RASA2: variants seen among roughly 807,000 people sequenced by gnomAD.
The protein encoded by RASA2 is ras GTPase-activating protein 2.
A neutral mutation model predicts 118.2 loss-of-function variants in RASA2; 155 were observed. That is an observed-to-expected ratio of 1.31 (90% CI 1.15 to 1.50). The LOEUF is 1.50. Ranked by LOEUF, RASA2 falls within the 40% of genes most tolerant of loss-of-function variation. The pLI is 0.00. For missense variants in RASA2, 1,016 were observed against 1,009.6 expected (o/e 1.01, Z -0.09); for synonymous variants, 353 against 349.1 (o/e 1.01, Z -0.12).
chr3:141,593,173 C>G (rs571322012), intron 19 of RASA2, among the ~76,000 whole-genome samples: 62 of 152,138 alleles, frequency 4.1e-4, no homozygotes, highest in African/African-American at 1.4e-3. Flanking sequence ...TCAGCCTCCC[C>G]AGTAGCTGAG....
At chr3:141,574,121 T>C in intron 14 of RASA2, 54 bp downstream of exon 14, 1 of 1,205,468 alleles carries the variant, frequency 8.3e-7, no homozygotes, top group Non-Finnish European at 1.1e-6. Context: ...GACTTTTTTA[T>C]AGATATTAAT....
intron 23 of RASA2, among the ~76,000 whole-genome samples, chr3:141,610,478 A>AAT (rs201768514): frequency 0.058 from 5,754 of 99,568 alleles, 563 homozygotes; most frequent in East Asian, 0.19. Flanking sequence ...TATATATATA[A>AAT]ATATATATAT....
chr3:141,552,239 A>C (rs1483913114), intron 5 of RASA2, among the ~76,000 whole-genome samples: 3 of 152,110 alleles, frequency 2.0e-5, no homozygotes, highest in Non-Finnish European at 4.4e-5. Context: ...TAAAATAGAA[A>C]ATTGGATTTC....
intron 17 of RASA2, among the ~76,000 whole-genome samples, chr3:141,584,071 G>A (rs1043171999): frequency 1.3e-5 from 2 of 151,928 alleles, no homozygotes; most frequent in South Asian, 4.1e-4. Flanking sequence ...GGTGGCTTAC[G>A]CCTGTAATCC....
intron 19 of RASA2, among the ~76,000 whole-genome samples, chr3:141,599,487 A>G (rs2107791618): frequency 6.6e-6 from 1 of 152,244 alleles, no homozygotes; most frequent in Admixed American, 6.5e-5. Flanking sequence ...TCCCCTTTCT[A>G]GTGTATTAAA....
At chr3:141,570,810 G>A (rs2082905570) in intron 9 of RASA2, 102 bp from the exon 10 acceptor site, 4 of 1,118,956 alleles carry the variant, frequency 3.6e-6, no homozygotes, top group Non-Finnish European at 1.3e-6. Context: ...TAAATACTAA[G>A]TTGACTTTTT....
intron 17 of RASA2, among the ~76,000 whole-genome samples, chr3:141,582,058 T>G (rs928212475): frequency 6.6e-6 from 1 of 152,218 alleles, no homozygotes; most frequent in African/African-American, 2.4e-5. Context: ...AGTACTGTAT[T>G]TTATGTATCA....
Position 141,544,318 on chromosome 3 carries a change from T to G in RASA2, c.527+3709T>G, listed in dbSNP as rs112965352. Among the ~76,000 whole-genome samples the G allele has an allele frequency of 7.1e-3, 1,089 of 152,312 alleles. 15 individuals are homozygous for G. The highest frequency in any genetic ancestry group is 0.025 in the African/African-American group (1,043 of 41,560). On this transcript the variant is annotated intron_variant, in intron 5 of 23. Transcript: ENST00000286364. ...CCAGATTTGGGGAATTTTCAACCAT[T>G]ATTTCTTCTATTAATTCTTTATCAC...
chr3:141,610,713 A>G (rs1046595234), intron 23 of RASA2, among the ~76,000 whole-genome samples: 1 of 151,672 alleles, frequency 6.6e-6, no homozygotes, highest in Admixed American at 6.6e-5. Flanking sequence ...CTGGTTTTGA[A>G]TTCCTGACCT....
chr3:141,521,405 A>C (rs1374869406), intron 3 of RASA2, among the ~76,000 whole-genome samples: 2 of 152,200 alleles, frequency 1.3e-5, no homozygotes, highest in African/African-American at 2.4e-5. Context: ...GATAGAGGCT[A>C]TTGGTAGTTA....
At chr3:141,581,594 C>T (rs1420151640) in intron 17 of RASA2, among the ~76,000 whole-genome samples, 1 of 152,180 alleles carries the variant, frequency 6.6e-6, no homozygotes, top group African/African-American at 2.4e-5. Context: ...CAGGTATTGC[C>T]AAATGTTCCT....
intron 1 of RASA2, among the ~76,000 whole-genome samples, chr3:141,492,106 C>A (rs2081646255): frequency 6.6e-6 from 1 of 152,178 alleles, no homozygotes; most frequent in African/African-American, 2.4e-5. Context: ...GTCTGCTAAT[C>A]ATTTGCTCTG....
At chr3:141,543,172 T>G (rs2082430860) in intron 5 of RASA2, among the ~76,000 whole-genome samples, 1 of 152,094 alleles carries the variant, frequency 6.6e-6, no homozygotes, top group Non-Finnish European at 1.5e-5. Context: ...TTATTTATAT[T>G]GTGTTTTTAA....
In RASA2 at chr3:141,585,300, C is replaced by CT. The variant is rs375283372; in HGVS notation, c.1753-723dup. Among the ~76,000 whole-genome samples, 375 of 152,180 alleles carry CT rather than the reference C, an allele frequency of 2.5e-3. 1 individual carries two copies. The highest frequency in any genetic ancestry group is 8.7e-3 in the African/African-American group (361 of 41,524). On this transcript the variant is annotated intron_variant, in intron 17 of 23. Coordinates refer to ENST00000286364, the MANE Select transcript of RASA2 (RefSeq NM_006506.5). ...ATTCTTATAGCACAGTATATGAATA[C>CT]TTACAGTAAGTAATATAAGTACAGA...
At chr3:141,608,168 T>A (rs994360962) in intron 20 of RASA2, among the ~76,000 whole-genome samples, 12 of 152,192 alleles carry the variant, frequency 7.9e-5, no homozygotes, top group African/African-American at 2.9e-4. Context: ...ATTTCCTTGT[T>A]CCTAAATATT....
At chr3:141,598,728 T>G (rs1383553828) in intron 19 of RASA2, among the ~76,000 whole-genome samples, 2 of 152,114 alleles carry the variant, frequency 1.3e-5, no homozygotes, top group African/African-American at 4.8e-5. Context: ...AACAAAATTT[T>G]AAAAATCATA....
intron 19 of RASA2, among the ~76,000 whole-genome samples, chr3:141,604,174 G>A (rs1194334139): frequency 6.6e-6 from 1 of 152,162 alleles, no homozygotes; most frequent in Non-Finnish European, 1.5e-5. Flanking sequence ...CCTGATTTCA[G>A]CCATTTAGTA....
intron 9 of RASA2, among the ~76,000 whole-genome samples, chr3:141,568,158 T>TA (rs1313942438): frequency 6.6e-6 from 1 of 152,136 alleles, no homozygotes; most frequent in East Asian, 1.9e-4. Flanking sequence ...ATACCTCTCT[T>TA]AAAGAACTCG....
intron 23 of RASA2, among the ~76,000 whole-genome samples, chr3:141,611,157 A>G (rs902199669): frequency 3.3e-5 from 5 of 152,186 alleles, no homozygotes; most frequent in African/African-American, 7.2e-5. Context: ...TACTCTTGCA[A>G]ATTAAGTAGT....
Sources: gnomAD v4.1 joint callset for allele counts (sites outside exome capture counted in the v4.1 genomes callset) on GRCh38, gnomAD v4.1.1 for gene constraint, MANE v1.5 for transcripts, NCBI Gene and HGNC (gene_info 2026-07-23, HGNC 2026-07-21) for gene names.